Variants in FSIP2 observed in about 807,000 individuals in gnomAD.
The protein encoded by FSIP2 is fibrous sheath interacting protein 2.
In FSIP2, 367 loss-of-function variants were observed where a neutral mutation model predicts 510.5. That is an observed-to-expected ratio of 0.72 (90% CI 0.66 to 0.78). The LOEUF is 0.78. FSIP2 is among the 30% of genes least tolerant of loss of function. The pLI is 0.00. For missense variants in FSIP2, 7,594 were observed against 7,901.7 expected, an observed-to-expected ratio of 0.96 and a Z score of 1.48; for synonymous variants, 2,601 against 2,732.2, an observed-to-expected ratio of 0.95 and a Z score of 1.50.
At chr2:185,782,826 C>A in intron 14 of FSIP2, 64 bp downstream of exon 14, 1 of 843,914 alleles carries the variant, frequency 1.2e-6, no homozygotes, top group South Asian at 1.5e-5. Flanking sequence ...GAGTGCTGCT[C>A]ATAAGCAAAT....
At position 185,789,308 on chromosome 2, in the gene FSIP2, C is replaced by T. The variant is rs1574180326; in HGVS notation, c.2172C>T (p.Pro724=). The T allele has an allele frequency of 6.5e-7, 1 of 1,534,422 alleles. No homozygotes were observed. Among genetic ancestry groups the T allele is most frequent in the Non-Finnish European group, 8.7e-7 (1 of 1,145,656 alleles). The change falls in exon 16 of 23, where the codon CCC becomes CCT. Residue 724 remains proline (P), a synonymous_variant. Transcript: ENST00000424728. ...EIMSDLTQAI[P]SLSSVTAEVF... is the part of the protein sequence containing the mutation. ...TGTCTGATTTAACCCAGGCCATTCC[C>T]TCTCTCTCTTCTGTTACTGCTGAAG... is the stretch of plus-strand genomic sequence containing the variant.
In FSIP2 at chr2:185,807,040, T is replaced by C. The variant is rs1693598522; in HGVS notation, c.17734T>C (p.Leu5912=). ...TAAGATACCATCAATTGACAAAACA[T>C]TGGTCAATAAAGTTGTTCACTCCTC... ...SDKIPSIDKT[L]VNKVVHSSVC... Residue 5912 remains leucine, a synonymous_variant, in exon 17 of 23, where the codon TTG becomes CTG. Transcript: ENST00000424728. 2 of 1,595,044 alleles carry C rather than the reference T, an allele frequency of 1.3e-6. No individual in the cohort carries two copies. Among genetic ancestry groups the C allele is most frequent in the South Asian group, 1.1e-5 (1 of 87,184 alleles).
At position 185,739,103 on chromosome 2, in the gene FSIP2, CAGG is replaced by C. The variant is rs1691864786; in HGVS notation, c.99+114_99+116del. On this transcript the variant is annotated intron_variant, in intron 1 of 22. Coordinates refer to ENST00000424728, the MANE Select transcript of FSIP2 (RefSeq NM_173651.4). ...CGCGAGGCTCCCAACTGTCCCCCGT[CAGG>C]AGGCTGCCCTCTTGCGGCGCCCGGG... 35 of 1,354,274 alleles carry C rather than the reference CAGG, an allele frequency of 2.6e-5. No homozygotes were observed. In the South Asian group the frequency reaches 5.1e-4, roughly 20 times the overall value. The allele number at this position is 1,354,274 out of a possible 1,614,324, so 83.9% of individuals were successfully genotyped here.
rs1693244218 is a variant in FSIP2 at position 185,795,448 on chromosome 2, C to T, written c.8312C>T (p.Ala2771Val). The change falls in exon 16 of 23, where the codon GCA becomes GTA. Residue 2771 changes from alanine (A) to valine (V), a missense_variant. Physicochemically the swap from Ala to Val is moderately conservative, Grantham distance 64 (BLOSUM62 0). Coordinates refer to ENST00000424728, the MANE Select transcript of FSIP2 (RefSeq NM_173651.4). Reference sequence around the variant, plus strand: ...TTACCATCTGATCAAATCATAGCAGCAGGTAAAATAGTTAATACAGTTTTG... The same window carrying T: ...TTACCATCTGATCAAATCATAGCAGTAGGTAAAATAGTTAATACAGTTTTG... ...KALPSDQIIA[A>V]GKIVNTVLQE... 1 of 1,534,618 alleles carries T rather than the reference C, an allele frequency of 6.5e-7. No individual in the cohort carries two copies. Among genetic ancestry groups the T allele is most frequent in the Non-Finnish European group, 8.7e-7 (1 of 1,145,886 alleles).
At chr2:185,756,062 T>C (rs10084180) in intron 8 of FSIP2, 130 bp from the exon 9 acceptor site, 349,740 of 358,056 alleles carry the variant, frequency 0.98, 170,990 homozygotes, top group Middle Eastern at 1. Context: ...TCTCCAATTT[T>C]TCTCGCAATC....
At position 185,806,881 on chromosome 2, in the gene FSIP2, A is replaced by G; in HGVS notation, c.17575A>G (p.Lys5859Glu). The G allele has an allele frequency of 6.2e-7, 1 of 1,608,970 alleles. No homozygotes were observed. The highest frequency in any genetic ancestry group is 8.5e-7 in the Non-Finnish European group (1 of 1,177,986). ...PDKGNQFPGG[K>E]VSSVPKVPPR... Reference sequence around the variant, plus strand: ...TAAGGGAAATCAGTTCCCTGGGGGTAAAGTGTCTTCAGTTCCTAAAGTACC... The same window carrying G: ...TAAGGGAAATCAGTTCCCTGGGGGTGAAGTGTCTTCAGTTCCTAAAGTACC... Residue 5859 changes from lysine to glutamate, a missense_variant, in exon 17 of 23, where the codon AAA (lysine) becomes GAA (glutamate). Transcript: ENST00000424728.
Position 185,745,536 on chromosome 2 carries a change from T to C in FSIP2, c.585T>C (p.Ser195=), listed in dbSNP as rs761435619. ...QNWLLKEGTE[S]IKDQERLMRH... ...GGTTGTTAAAGGAGGGCACTGAATC[T>C]ATTAAGGACCAGGAGCGGCTGATGA... is the stretch of plus-strand genomic sequence containing the variant. Residue 195 remains serine (S), a synonymous_variant, in exon 5 of 23, where the codon TCT becomes TCC. Coordinates refer to ENST00000424728, the MANE Select transcript of FSIP2 (RefSeq NM_173651.4). 7.2e-6 allele frequency: 11 copies of C among 1,535,738 alleles called. No homozygotes were observed. Among genetic ancestry groups the C allele is most frequent in the Middle Eastern group, 1.7e-4 (1 of 5,994 alleles).
chr2:185,786,915 C>T (rs10490390), intron 15 of FSIP2, among the ~76,000 whole-genome samples: 82,516 of 151,540 alleles, frequency 0.54, 22,717 homozygotes, highest in South Asian at 0.64. Flanking sequence ...TTTTTTTCAG[C>T]TTAATGTTGT....
At chr2:185,809,410 C>A (rs1399958350) in intron 17 of FSIP2, among the ~76,000 whole-genome samples, 1 of 152,104 alleles carries the variant, frequency 6.6e-6, no homozygotes. Flanking sequence ...AGCACATACC[C>A]TTCACAGTAA....
Position 185,799,877 on chromosome 2 carries a change from A to T in FSIP2, c.10571A>T (p.Lys3524Ile). 6.5e-7 allele frequency: 1 copy of T among 1,533,746 alleles called. No individual in the cohort carries two copies. Reference protein sequence around the residue: ...ISDGTKKGREKEKAWEIQEAT... With the variant: ...ISDGTKKGREIEKAWEIQEAT... ...GATGGCACCAAAAAGGGTAGAGAAA[A>T]AGAGAAAGCATGGGAAATTCAAGAA... Residue 3524 changes from lysine to isoleucine, a missense_variant, in exon 17 of 23, where the codon AAA (lysine) becomes ATA (isoleucine). Lys to Ile is a moderately radical substitution (Grantham distance 102). Coordinates refer to ENST00000424728, the MANE Select transcript of FSIP2 (RefSeq NM_173651.4).
chr2:185,784,233 T>C (rs1000698752), intron 14 of FSIP2: 1 of 152,112 alleles, frequency 6.6e-6, no homozygotes, highest in African/African-American at 2.4e-5. Flanking sequence ...GGGAGTAAAG[T>C]TGCAGCAATT....
chr2:185,785,657 A>AAATCT (rs1692955822), intron 14 of FSIP2, among the ~76,000 whole-genome samples: 1 of 152,050 alleles, frequency 6.6e-6, no homozygotes, highest in African/African-American at 2.4e-5. Flanking sequence ...GTGTGACGGT[A>AAATCT]AATCTAACAA....
At chr2:185,760,770 T>C (rs10180581) in intron 9 of FSIP2, among the ~76,000 whole-genome samples, 16,722 of 150,456 alleles carry the variant, frequency 0.11, 981 homozygotes, top group Middle Eastern at 0.14. Flanking sequence ...TGTTGGAGTA[T>C]GAGAACAGAG....
Position 185,795,188 on chromosome 2 carries a change from G to C in FSIP2, c.8052G>C (p.Leu2684=). ...PKFTKKTHLG[L]SAAKAKSKTK... ...TTACAAAAAAAACACACTTAGGACT[G>C]AGTGCTGCTAAGGCCAAAAGCAAAA... Residue 2684 remains leucine (L), a synonymous_variant, in exon 16 of 23, where the codon CTG becomes CTC. Coordinates refer to ENST00000424728, the MANE Select transcript of FSIP2 (RefSeq NM_173651.4). The C allele has an allele frequency of 6.5e-7, 1 of 1,534,752 alleles. No homozygotes were observed. The highest frequency in any genetic ancestry group is 8.7e-7 in the Non-Finnish European group (1 of 1,146,072).
rs763678318 is a variant in FSIP2 at position 185,792,582 on chromosome 2, G to A, written c.5446G>A (p.Glu1816Lys). The change falls in exon 16 of 23, where the codon GAG becomes AAG. Residue 1816 changes from glutamate (E) to lysine (K), a missense_variant. Coordinates refer to ENST00000424728, the MANE Select transcript of FSIP2 (RefSeq NM_173651.4). The part of the protein sequence containing the change: ...NFNGMPHNVD[E>K]PTPQTSVQFM... The stretch of plus-strand genomic sequence containing the variant: ...TAATGGCATGCCTCACAATGTTGAT[G>A]AGCCAACTCCCCAAACATCTGTTCA... 5 of 1,533,890 alleles carry A rather than the reference G, an allele frequency of 3.3e-6. No homozygotes were observed. The South Asian group carries it at 3.6e-5, about 11-fold the overall frequency.
chr2:185,813,853 T>G lies in FSIP2; in HGVS notation c.20136T>G (p.Phe6712Leu). ...TAAGCACGAGCAGCCTGAAAAAATT[T>G]TTGTCACTAAGTAAATGTTGTCAGA... ...STLSTSSLKK[F>L]LSLSKCCQTT... The change falls in exon 18 of 23, where the codon TTT becomes TTG. Residue 6712 changes from phenylalanine (F) to leucine (L), a missense_variant. Transcript: ENST00000424728. 6.2e-7 allele frequency: 1 copy of G among 1,613,682 alleles called. No homozygotes were observed.
intron 21 of FSIP2, 32 bp from the exon 22 acceptor site, chr2:185,831,781 G>T: frequency 6.9e-7 from 1 of 1,446,038 alleles, no homozygotes. Flanking sequence ...TCCAGTGAAA[G>T]ACTCAGTTTG....
chr2:185,738,117 A>G (rs923289396), upstream of FSIP2: 22 of 165,778 alleles, frequency 1.3e-4, no homozygotes, highest in Admixed American at 1.1e-3. Context: ...TTAGACACAT[A>G]CTGTCTCTGC....
chr2:185,811,679 C>T (rs60009269), intron 17 of FSIP2, among the ~76,000 whole-genome samples: 4,541 of 152,130 alleles, frequency 0.03, 245 homozygotes, highest in African/African-American at 0.1. Context: ...CCTCACTGCA[C>T]TCTGTTTGAT....
Sources: gnomAD v4.1 joint callset for allele counts (sites outside exome capture counted in the v4.1 genomes callset) on GRCh38, gnomAD v4.1.1 for gene constraint, MANE v1.5 for transcripts, NCBI Gene and HGNC (gene_info 2026-07-23, HGNC 2026-07-21) for gene names.